Variants in CHN1 observed in about 807,000 individuals in gnomAD.
CHN1 encodes the protein chimerin 1.
In CHN1, 37 loss-of-function variants were observed where a neutral mutation model predicts 59.5. The ratio of observed to expected loss-of-function variants is 0.62; its 90% CI spans 0.48 to 0.82. CHN1 has a LOEUF of 0.82. CHN1 is among the 40% of genes least tolerant of loss of function. The pLI is 0.00. For synonymous variants in CHN1, 206 were observed against 200.4 expected, an observed-to-expected ratio of 1.03 and a Z score of -0.24; for missense variants, 469 against 571.0, an observed-to-expected ratio of 0.82 and a Z score of 1.82.
intron 11 of CHN1, among the ~76,000 whole-genome samples, chr2:174,807,444 A>ATC (rs975789242): frequency 2.2e-5 from 2 of 90,284 alleles, no homozygotes; most frequent in African/African-American, 4.1e-5. Context: ...TTCACGGGCT[A>ATC]TCTGTGTGTG....
intron 11 of CHN1, among the ~76,000 whole-genome samples, chr2:174,806,287 C>T (rs2105375943): frequency 6.6e-6 from 1 of 152,290 alleles, no homozygotes. Context: ...TCACCCCCTT[C>T]CAGCTTTTAA....
intron 6 of CHN1, among the ~76,000 whole-genome samples, chr2:174,871,502 G>A (rs1272404986): frequency 6.6e-6 from 1 of 152,140 alleles, no homozygotes; most frequent in Admixed American, 6.5e-5. Flanking sequence ...AACTCAAGGT[G>A]TCGAGTCACA....
chr2:174,835,055 CAAT>C (rs2105417149), intron 7 of CHN1, among the ~76,000 whole-genome samples: 1 of 152,234 alleles, frequency 6.6e-6, no homozygotes, highest in African/African-American at 2.4e-5. Flanking sequence ...GGTTACATGT[CAAT>C]AAACCCACCA....
rs142685586 is a variant in CHN1 at position 174,853,112 on chromosome 2, G to A, written c.550-6155C>T. ...GACAAGTGGGCCTAATTCAACCGAA[G>A]AGCTTGTGCACAGCAAAAGAAACTA... On this transcript the variant is annotated intron_variant, in intron 6 of 12. Coordinates refer to ENST00000409900, the MANE Select transcript of CHN1 (RefSeq NM_001822.7). Among the ~76,000 whole-genome samples, 41 of 152,254 alleles carry A rather than the reference G, an allele frequency of 2.7e-4. 1 individual carries two copies. In the East Asian group the frequency reaches 7.9e-3, roughly 29 times the overall value.
At chr2:174,983,230 T>C (rs1691217909) in intron 1 of CHN1, among the ~76,000 whole-genome samples, 1 of 152,180 alleles carries the variant, frequency 6.6e-6, no homozygotes, top group Non-Finnish European at 1.5e-5. Flanking sequence ...CTTTTTATGT[T>C]TTACTTAAAT....
chr2:174,877,714 A>C lies in CHN1; in HGVS notation c.549+126T>G, dbSNP rs540324459. The C allele has an allele frequency of 8.1e-5, 58 of 712,076 alleles. No homozygotes were observed. The South Asian group carries it at 2.0e-3, about 24-fold the overall frequency. The allele number at this position is 712,076 out of a possible 1,614,324, so 44.1% of individuals were successfully genotyped here. A position where few individuals can be genotyped will look rare whatever the true frequency, so the allele number is the denominator to read the frequency against. ...TGCAAAGCTCAGCATCACAGAAACT[A>C]GACATTAAGAAAAATGAATATACTT... On this transcript the variant is annotated intron_variant, in intron 6 of 12. Transcript: ENST00000409900.
At chr2:174,913,519 T>C (rs1029001481) in intron 5 of CHN1, among the ~76,000 whole-genome samples, 1 of 152,170 alleles carries the variant, frequency 6.6e-6, no homozygotes, top group African/African-American at 2.4e-5. Flanking sequence ...GTATTTGAAT[T>C]GCCATACCAG....
intron 1 of CHN1, among the ~76,000 whole-genome samples, chr2:174,982,168 G>A (rs1235796779): frequency 6.6e-6 from 1 of 152,164 alleles, no homozygotes; most frequent in African/African-American, 2.4e-5. Flanking sequence ...TGGTGTATAT[G>A]TGCCACATTT....
chr2:174,867,691 G>A (rs557258804), intron 6 of CHN1, among the ~76,000 whole-genome samples: 2 of 152,094 alleles, frequency 1.3e-5, no homozygotes, highest in Non-Finnish European at 2.9e-5. Flanking sequence ...TGCTTATAAA[G>A]TAATATAATA....
intron 1 of CHN1, among the ~76,000 whole-genome samples, chr2:174,962,830 A>T (rs943308637): frequency 2.2e-4 from 34 of 152,216 alleles, no homozygotes; most frequent in African/African-American, 5.8e-4. Flanking sequence ...GAATTGCTTG[A>T]ACCAGGGAGG....
chr2:174,951,701 C>T lies in CHN1; in HGVS notation c.58+463G>A, dbSNP rs528192378. 2.3e-4 allele frequency among the ~76,000 whole-genome samples: 35 copies of T among 152,296 alleles called. 1 individual carries two copies. Among genetic ancestry groups the T allele is most frequent in the Middle Eastern group, 3.4e-3 (1 of 294 alleles). On this transcript the variant is annotated intron_variant, in intron 2 of 12. Coordinates refer to ENST00000409900, the MANE Select transcript of CHN1 (RefSeq NM_001822.7). Reference sequence around the variant, plus strand: ...AAGAGCAGCATGGAATCAAGTATCTCCCTTATGTTTTGGGAAAGTAATTAT... The same window carrying T: ...AAGAGCAGCATGGAATCAAGTATCTTCCTTATGTTTTGGGAAAGTAATTAT...
intron 1 of CHN1, 36 bp downstream of exon 1, chr2:175,004,858 C>G (rs949744555): frequency 5.9e-6 from 8 of 1,357,132 alleles, no homozygotes; most frequent in Non-Finnish European, 7.7e-6. Context: ...GGGACGCGGC[C>G]CACCTGCGGC....
chr2:174,978,867 T>G (rs550450015), intron 1 of CHN1, among the ~76,000 whole-genome samples: 1 of 152,346 alleles, frequency 6.6e-6, no homozygotes, highest in African/African-American at 2.4e-5. Flanking sequence ...ATTAGAATGA[T>G]AGCCAGACCT....
chr2:174,915,345 C>A (rs1688816236), intron 4 of CHN1, 174 bp from the exon 5 acceptor site: 4 of 596,594 alleles, frequency 6.7e-6, no homozygotes, highest in Non-Finnish European at 1.2e-5. Context: ...GGACCTGGCC[C>A]CCAGCCAGCT....
intron 3 of CHN1, among the ~76,000 whole-genome samples, chr2:174,935,819 G>C (rs1418099712): frequency 6.6e-6 from 1 of 152,092 alleles, no homozygotes; most frequent in African/African-American, 2.4e-5. Flanking sequence ...TGCAGTCCCA[G>C]CTACTCAGGA....
chr2:174,989,022 A>T (rs1193592032), intron 1 of CHN1, among the ~76,000 whole-genome samples: 1 of 152,196 alleles, frequency 6.6e-6, no homozygotes, highest in Non-Finnish European at 1.5e-5. Flanking sequence ...TCAATCTGCT[A>T]AAAGTCCTAT....
At chr2:174,831,304 C>T (rs763803491) in intron 7 of CHN1, among the ~76,000 whole-genome samples, 19 of 152,120 alleles carry the variant, frequency 1.2e-4, no homozygotes, top group African/African-American at 2.7e-4. Flanking sequence ...TCCCAATCAC[C>T]GCTATGTTTT....
chr2:174,925,227 C>T (rs1482331123), intron 3 of CHN1, among the ~76,000 whole-genome samples: 1 of 152,094 alleles, frequency 6.6e-6, no homozygotes, highest in East Asian at 1.9e-4. Context: ...ATACCCCCGC[C>T]TTTTGGTGTT....
chr2:174,992,418 T>C lies in CHN1; in HGVS notation c.19+12476A>G, dbSNP rs1007699444. 6.6e-5 allele frequency among the ~76,000 whole-genome samples: 10 copies of C among 151,262 alleles called. No individual in the cohort carries two copies. In the South Asian group the frequency reaches 2.1e-3, roughly 32 times the overall value. ...TTGAAAAGCACTGACATAGAGGGGA[T>C]CAAACAGAACAAACTGAAGCATAGG... On this transcript the variant is annotated intron_variant, in intron 1 of 12. Transcript: ENST00000409900.
Sources: gnomAD v4.1 joint callset for allele counts (sites outside exome capture counted in the v4.1 genomes callset) on GRCh38, gnomAD v4.1.1 for gene constraint, MANE v1.5 for transcripts, NCBI Gene and HGNC (gene_info 2026-07-23, HGNC 2026-07-21) for gene names.